SLC25A48: variants seen among roughly 807,000 people sequenced by gnomAD.
SLC25A48 encodes the protein solute carrier family 25 member 48.
Under a neutral mutation model 32.2 loss-of-function variants are expected in SLC25A48, and 29 were observed. The observed-to-expected ratio is 0.90, with a 90% CI of 0.67 to 1.23. The LOEUF (loss-of-function observed/expected upper bound fraction) is 1.23, where lower values mean the gene tolerates loss of function less well. Ranked by LOEUF, SLC25A48 falls within the 50% of genes most tolerant of loss-of-function variation. The pLI is 0.00. For synonymous variants in SLC25A48, 164 were observed against 172.3 expected, an observed-to-expected ratio of 0.95 and a Z score of 0.38; for missense variants, 399 against 422.7, an observed-to-expected ratio of 0.94 and a Z score of 0.49.
At chr5:135,652,934 AT>A (rs1753150683) in intron 3 of SLC25A48, among the ~76,000 whole-genome samples, 1 of 152,186 alleles carries the variant, frequency 6.6e-6, no homozygotes. Flanking sequence ...GTAGGGCCTA[AT>A]GCAAGGTGTT....
chr5:135,675,953 AT>A (rs1233237497), intron 3 of SLC25A48, among the ~76,000 whole-genome samples: 4 of 151,442 alleles, frequency 2.6e-5, no homozygotes, highest in Non-Finnish European at 5.9e-5. Context: ...ATTTTATTTT[AT>A]TTTTTGTAGC....
At chr5:135,803,154 A>G (rs1757375023) in intron 3 of SLC25A48, 1 of 151,390 alleles carries the variant, frequency 6.6e-6, no homozygotes, top group Non-Finnish European at 1.5e-5. Context: ...CATTGATGTT[A>G]TTCATAATAT....
intron 3 of SLC25A48, among the ~76,000 whole-genome samples, chr5:135,755,844 A>G (rs938652981): frequency 7.1e-6 from 1 of 140,576 alleles, no homozygotes; most frequent in Non-Finnish European, 1.6e-5. Flanking sequence ...GCAGTGTAGT[A>G]TTAATGAAAT....
chr5:135,604,619 A>G (rs1026930216), intron 1 of SLC25A48, among the ~76,000 whole-genome samples: 2 of 152,182 alleles, frequency 1.3e-5, no homozygotes, highest in African/African-American at 2.4e-5. Context: ...AACAGTTGAG[A>G]TAACTGATGT....
chr5:135,721,572 A>G (rs1754957250), intron 3 of SLC25A48, among the ~76,000 whole-genome samples: 1 of 152,132 alleles, frequency 6.6e-6, no homozygotes, highest in African/African-American at 2.4e-5. Context: ...TGTAAGATTC[A>G]TTTCCAAAGG....
intron 3 of SLC25A48, among the ~76,000 whole-genome samples, chr5:135,693,998 T>G (rs1199747322): frequency 6.6e-6 from 1 of 152,164 alleles, no homozygotes; most frequent in Non-Finnish European, 1.5e-5. Flanking sequence ...GTTTAGGAGA[T>G]CCACTTGAAA....
chr5:135,790,961 G>A (rs1580883866), intron 3 of SLC25A48, among the ~76,000 whole-genome samples: 1 of 147,792 alleles, frequency 6.8e-6, no homozygotes, highest in African/African-American at 2.5e-5. Context: ...TACATTATGT[G>A]TGAATACCCT....
intron 3 of SLC25A48, among the ~76,000 whole-genome samples, chr5:135,730,782 G>A (rs1350434585): frequency 1.3e-5 from 2 of 152,224 alleles, no homozygotes; most frequent in Admixed American, 6.5e-5. Flanking sequence ...TCCAGGCTGA[G>A]GTGGTCTTAG....
intron 3 of SLC25A48, among the ~76,000 whole-genome samples, chr5:135,666,015 G>A (rs1450516565): frequency 1.3e-5 from 2 of 152,136 alleles, no homozygotes; most frequent in Non-Finnish European, 2.9e-5. Context: ...CACCATCACT[G>A]TTAGGTGAAA....
chr5:135,711,085 G>A (rs935199603), intron 3 of SLC25A48, among the ~76,000 whole-genome samples: 2 of 152,148 alleles, frequency 1.3e-5, no homozygotes, highest in African/African-American at 4.8e-5. Context: ...CCCATTTGAG[G>A]GAAATGCCCA....
intron 3 of SLC25A48, among the ~76,000 whole-genome samples, chr5:135,689,734 C>T (rs1048696097): frequency 4.6e-5 from 7 of 152,290 alleles, no homozygotes; most frequent in African/African-American, 1.4e-4. Context: ...GTCTCTGTAA[C>T]GCTGAATTGT....
chr5:135,887,318 T>G (rs1051699439), intron 7 of SLC25A48, among the ~76,000 whole-genome samples: 1 of 152,130 alleles, frequency 6.6e-6, no homozygotes, highest in Non-Finnish European at 1.5e-5. Flanking sequence ...ATTATAGCCT[T>G]TGGGAAACTC....
At chr5:135,879,583 GGAGA>G (rs371969525) in intron 6 of SLC25A48, among the ~76,000 whole-genome samples, 1,935 of 143,404 alleles carry the variant, frequency 0.013, 18 homozygotes, top group African/African-American at 0.03. Context: ...AGATTCCCGA[GGAGA>G]GAGAGAGAGA....
chr5:135,647,697 G>A (rs1235959966), intron 3 of SLC25A48, among the ~76,000 whole-genome samples: 1 of 152,126 alleles, frequency 6.6e-6, no homozygotes, highest in East Asian at 1.9e-4. Flanking sequence ...CAGGGAAGGG[G>A]TCACTTTCTG....
chr5:135,611,207 T>C (rs563184805), intron 1 of SLC25A48, among the ~76,000 whole-genome samples: 6 of 152,144 alleles, frequency 3.9e-5, no homozygotes, highest in Non-Finnish European at 8.8e-5. Flanking sequence ...GTGCAAAGAA[T>C]GTTTTCTTAA....
intron 3 of SLC25A48, among the ~76,000 whole-genome samples, chr5:135,639,168 C>T (rs1468128465): frequency 2.0e-5 from 3 of 152,196 alleles, no homozygotes; most frequent in African/African-American, 7.2e-5. Flanking sequence ...TTTTGGGCAA[C>T]AGTTACTTGG....
chr5:135,584,389 T>C (rs1751314225), intron 1 of SLC25A48, among the ~76,000 whole-genome samples: 1 of 152,216 alleles, frequency 6.6e-6, no homozygotes, highest in African/African-American at 2.4e-5. Context: ...TCAAAGAACA[T>C]GCATCCTCTT....
intron 3 of SLC25A48, among the ~76,000 whole-genome samples, chr5:135,742,957 T>TCCCCCC (rs1755534704): frequency 7.8e-5 from 1 of 12,900 alleles, no homozygotes; most frequent in African/African-American, 4.9e-4. Flanking sequence ...TCTGGAGACC[T>TCCCCCC]CCCCCTCCCC....
intron 1 of SLC25A48, among the ~76,000 whole-genome samples, chr5:135,628,167 C>G (rs1375001777): frequency 6.6e-6 from 1 of 152,064 alleles, no homozygotes; most frequent in Non-Finnish European, 1.5e-5. Flanking sequence ...AGGGGTGATA[C>G]TCATAAAAGA....
Sources: gnomAD v4.1 joint callset for allele counts (sites outside exome capture counted in the v4.1 genomes callset) on GRCh38, gnomAD v4.1.1 for gene constraint, MANE v1.5 for transcripts, NCBI Gene and HGNC (gene_info 2026-07-23, HGNC 2026-07-21) for gene names.